AR: variants seen among roughly 807,000 people sequenced by gnomAD.
AR encodes dihydrotestosterone receptor.
Under a neutral mutation model 53.9 loss-of-function variants are expected in AR, and 8 were observed. The observed-to-expected ratio is 0.15, with a 90% CI of 0.09 to 0.27. The LOEUF is 0.27. Among genes scored for constraint, AR ranks in the 10% least tolerant of loss-of-function variants. The probability of loss-of-function intolerance (pLI) is 1.00; values close to 1 mark genes in which losing one functional copy is unlikely to be tolerated. For missense variants in AR, 639 were observed against 742.5 expected, an observed-to-expected ratio of 0.86 and a Z score of 1.62; for synonymous variants, 359 against 316.4, an observed-to-expected ratio of 1.13 and a Z score of -1.43.
chrX:67,621,553 C>A (rs906839012), intron 1 of AR, among the ~76,000 whole-genome samples: 2 of 110,514 alleles, frequency 1.8e-5, no homozygotes, highest in African/African-American at 3.3e-5. Context: ...GTTCCCCTCC[C>A]TGTGTCTATG....
At chrX:67,720,202 C>G (rs1156755987) in intron 5 of AR, among the ~76,000 whole-genome samples, 4 of 111,365 alleles carry the variant, frequency 3.6e-5, no homozygotes, top group African/African-American at 6.5e-5. Context: ...ACCTTGTTCT[C>G]TTCCTAAATT....
chrX:67,623,578 C>T (rs1924477151), intron 1 of AR, among the ~76,000 whole-genome samples: 1 of 110,651 alleles, frequency 9.0e-6, no homozygotes, highest in East Asian at 2.8e-4. Context: ...TAACCTTCCA[C>T]CTTAGACTAG....
At position 67,637,987 on chromosome X, in the gene AR, C is replaced by T. The variant is rs1364510033; in HGVS notation, c.1617-5269C>T. Among the ~76,000 whole-genome samples, 5 of 110,775 alleles carry T rather than the reference C, an allele frequency of 4.5e-5. No individual in the cohort carries two copies. In the East Asian group the frequency reaches 1.4e-3, roughly 32 times the overall value. On this transcript the variant is annotated intron_variant, in intron 1 of 7. Coordinates refer to ENST00000374690, the MANE Select transcript of AR (RefSeq NM_000044.6). ...CTATTCCCTCCCTTGCCCCTCACCC[C>T]TCACTGGCCCCAGTGTGTGATGTTC...
intron 1 of AR, among the ~76,000 whole-genome samples, chrX:67,584,659 G>A (rs1024840843): frequency 7.1e-5 from 8 of 112,093 alleles, no homozygotes; most frequent in Non-Finnish European, 1.3e-4. Context: ...TGGATAACTT[G>A]GTAACTGTTG....
intron 3 of AR, chrX:67,696,066 T>A (rs2076019368): frequency 1.3e-6 from 1 of 747,933 alleles, no homozygotes; most frequent in South Asian, 6.8e-5. Context: ...AATAAAGCCA[T>A]TAATACACCA....
At chrX:67,551,724 C>G (rs1288787761) in intron 1 of AR, among the ~76,000 whole-genome samples, 1 of 111,693 alleles carries the variant, frequency 9.0e-6, no homozygotes, top group East Asian at 2.8e-4. Context: ...TAGAGCAATA[C>G]TCCCAAGCTT....
chrX:67,604,198 ATGTGTGTGTG>A (rs72092334), intron 1 of AR, among the ~76,000 whole-genome samples: 30 of 78,138 alleles, frequency 3.8e-4, no homozygotes, highest in Admixed American at 1.4e-3. Context: ...GGGGAGAAAT[ATGTGTGTGTG>A]TGTGTGTGTG....
intron 1 of AR, among the ~76,000 whole-genome samples, chrX:67,637,291 A>C (rs1277211574): frequency 9.7e-6 from 1 of 103,347 alleles, no homozygotes; most frequent in Non-Finnish European, 2.0e-5. Flanking sequence ...CTCGTCATTT[A>C]GCATTAGGTA....
chrX:67,721,762 C>G (rs2147535256), intron 5 of AR, 71 bp from the exon 6 acceptor site: 1 of 1,187,535 alleles, frequency 8.4e-7, no homozygotes, highest in Non-Finnish European at 1.1e-6. Flanking sequence ...GGATGGCAAT[C>G]AGAGACATTC....
chrX:67,642,973 A>C (rs1456106486), intron 1 of AR, among the ~76,000 whole-genome samples: 1 of 111,675 alleles, frequency 9.0e-6, no homozygotes, highest in Non-Finnish European at 1.9e-5. Flanking sequence ...TCTTAACCTC[A>C]GGCTTCCTGC....
At chrX:67,705,431 G>C (rs1345638710) in intron 3 of AR, among the ~76,000 whole-genome samples, 1 of 111,435 alleles carries the variant, frequency 9.0e-6, no homozygotes. Flanking sequence ...GTTCACTCAT[G>C]ATTTGGCTTC....
intron 1 of AR, among the ~76,000 whole-genome samples, chrX:67,630,056 A>C (rs1227689684): frequency 9.0e-6 from 1 of 110,921 alleles, no homozygotes; most frequent in African/African-American, 3.3e-5. Context: ...CTTTACTTCC[A>C]ACTATGTGGT....
At chrX:67,572,450 T>TA (rs1304495276) in intron 1 of AR, among the ~76,000 whole-genome samples, 1 of 111,578 alleles carries the variant, frequency 9.0e-6, no homozygotes, top group Non-Finnish European at 1.9e-5. Context: ...CTTTAATTAT[T>TA]AAAAAAGAAA....
chrX:67,646,649 G>A (rs965238413), intron 2 of AR, among the ~76,000 whole-genome samples: 1 of 110,511 alleles, frequency 9.0e-6, no homozygotes, highest in African/African-American at 3.3e-5. Flanking sequence ...CAGAGGTAAG[G>A]GCTCAGAGAG....
chrX:67,626,610 TTATATA>T (rs201252311), intron 1 of AR, among the ~76,000 whole-genome samples: 2 of 85,171 alleles, frequency 2.3e-5, no homozygotes, highest in South Asian at 6.3e-4. Context: ...CCGACTAATT[TTATATA>T]TATATATATA....
chrX:67,701,138 A>G (rs2076040620), intron 3 of AR, among the ~76,000 whole-genome samples: 1 of 111,849 alleles, frequency 8.9e-6, no homozygotes, highest in Non-Finnish European at 1.9e-5. Flanking sequence ...TGAACACTGG[A>G]AATGTGGCAG....
intron 1 of AR, among the ~76,000 whole-genome samples, chrX:67,632,064 A>G (rs1377499372): frequency 8.9e-6 from 1 of 112,690 alleles, no homozygotes; most frequent in Admixed American, 9.3e-5. Flanking sequence ...GGGACATTTA[A>G]GTCTGCAGAG....
At chrX:67,557,146 G>A (rs913477138) in intron 1 of AR, among the ~76,000 whole-genome samples, 1 of 109,866 alleles carries the variant, frequency 9.1e-6, no homozygotes, top group African/African-American at 3.3e-5. Context: ...GTGGGAGCAA[G>A]GGGGGAAGCA....
intron 1 of AR, among the ~76,000 whole-genome samples, chrX:67,550,430 C>T (rs1054184049): frequency 5.4e-5 from 6 of 110,658 alleles, no homozygotes; most frequent in Non-Finnish European, 1.1e-4. Flanking sequence ...CTTTGGTCTC[C>T]TTATGCGTAT....
Sources: allele counts gnomAD v4.1 joint callset (sites outside exome capture counted in the v4.1 genomes callset), GRCh38; gene constraint gnomAD v4.1.1; transcripts MANE v1.5; gene names NCBI Gene and HGNC (gene_info 2026-07-23, HGNC 2026-07-21).